The following FOXO3B variants were observed in gnomAD, a reference collection of about 807,000 sequenced individuals.
The protein encoded by FOXO3B is forkhead box protein O3B.
A neutral mutation model predicts 21.9 loss-of-function variants in FOXO3B; 15 were observed. The ratio of observed to expected loss-of-function variants is 0.68; its 90% confidence interval spans 0.46 to 1.05. FOXO3B has a LOEUF of 1.05. Ranked by LOEUF, FOXO3B falls within the 50% of genes least tolerant of loss-of-function variation. The pLI, the probability that FOXO3B is intolerant of heterozygous loss-of-function variation, is 0.00. For missense variants in FOXO3B, 293 were observed against 435.5 expected (o/e 0.67, Z 2.91); for synonymous variants, 135 against 213.6 (o/e 0.63, Z 3.21).
At chr17:18,677,152 T>G in intron 3 of FOXO3B, 1 of 895,448 alleles carries the variant, frequency 1.1e-6, no homozygotes. Context: ...CATATTCTGC[T>G]GCTGGGAATG....
chr17:18,677,251 T>C, intron 3 of FOXO3B: 1 of 1,604,018 alleles, frequency 6.2e-7, no homozygotes, highest in East Asian at 2.2e-5. Context: ...AGTCTACTTG[T>C]ATGTATACAA....
chr17:18,674,932 C>G (rs1400542473), intron 3 of FOXO3B, among the ~76,000 whole-genome samples: 2 of 152,196 alleles, frequency 1.3e-5, no homozygotes, highest in Non-Finnish European at 2.9e-5. Flanking sequence ...TGAGCTAGAG[C>G]TACTCCTTTC....
rs2032385052 is a variant in FOXO3B at position 18,672,315 on chromosome 17, G to A, written c.867C>T (p.Ala289=). ...TGTGCCGGATGGAGTTCTTCTAGCC[G>A]GCAGAGCTGTTGCTGTTGCCCTTAT... ...FKDKGNSNSS[A]G The change falls in exon 4 of 4, where the codon GCC becomes GCT. Residue 289 remains alanine, a synonymous_variant. Coordinates refer to ENST00000395675, the MANE Select transcript of FOXO3B (RefSeq NM_001368135.1). The surrounding 1 kb of genome is among the most constrained non-coding windows in gnomAD (Gnocchi z 4.2). The A allele has an allele frequency of 4.3e-6, 7 of 1,612,260 alleles. No homozygotes were observed. The African/African-American group carries it at 5.3e-5, about 12-fold the overall frequency.
chr17:18,673,144 C>A, intron 3 of FOXO3B, 89 bp from the exon 4 acceptor site: 1 of 1,367,748 alleles, frequency 7.3e-7, no homozygotes, highest in Non-Finnish European at 9.4e-7. Flanking sequence ...CTGCCGCCAC[C>A]TCCCAGTCTT....
rs1156815591 is a variant in FOXO3B, at chr17:18,672,581, C to A, written c.601G>T (p.Ala201Ser). The change falls in exon 4 of 4, where the codon GCG becomes TCG. Residue 201 changes from alanine to serine, a missense_variant. Coordinates refer to ENST00000395675, the MANE Select transcript of FOXO3B (RefSeq NM_001368135.1). This position sits in a 1 kb window ranked among gnomAD's most constrained non-coding sequence, Gnocchi z 4.2. ...TGTGTACCCCCGCTCAGCCCGCCCG[C>A]CGCGGTGGCTGGCCCAGACCCGGGG... ...QDPGSGPATA[A>S]GGLSGGTQAL... 48 of 1,435,348 alleles carry A rather than the reference C, an allele frequency of 3.3e-5. No homozygotes were observed. The highest frequency in any genetic ancestry group is 4.3e-5 in the Non-Finnish European group (48 of 1,103,992). 88.9% of individuals were successfully genotyped at this position (1,435,348 alleles called of 1,614,324 possible).
At position 18,669,279 on chromosome 17, in the gene FOXO3B, G is replaced by A. The variant is rs2032320335; in HGVS notation, c.*3030C>T. The A allele has an allele frequency of 7.2e-6, 1 of 138,612 alleles. No individual in the cohort carries two copies. The highest frequency in any genetic ancestry group is 2.5e-4 in the South Asian group (1 of 3,930). The allele number at this position is 138,612 out of a possible 1,614,324, so 8.6% of individuals were successfully genotyped here. A position where few individuals can be genotyped will look rare whatever the true frequency, so the allele number is the denominator to read the frequency against. The stretch of plus-strand genomic sequence containing the variant: ...CTGTGTTGGTGCCCACTGTCACGGT[G>A]CAAGCATCAGCAAGAACTCAAGCAG... On this transcript the variant is annotated 3_prime_UTR_variant, in exon 4 of 4. Transcript: ENST00000395675.
chr17:18,676,988 T>C (rs1234272277), intron 3 of FOXO3B, among the ~76,000 whole-genome samples: 21 of 152,292 alleles, frequency 1.4e-4, no homozygotes, highest in African/African-American at 4.8e-4. Flanking sequence ...CAGGCGTGAG[T>C]CACCACACCC....
At chr17:18,677,542 TCA>T (rs2032513422) in intron 3 of FOXO3B, 1 of 1,610,018 alleles carries the variant, frequency 6.2e-7, no homozygotes, top group African/African-American at 1.3e-5. Flanking sequence ...GCCCGTCTGC[TCA>T]CAGAGATCCA....
intron 3 of FOXO3B, among the ~76,000 whole-genome samples, chr17:18,674,452 C>T (rs997987527): frequency 2.3e-4 from 34 of 148,132 alleles, no homozygotes; most frequent in East Asian, 4.0e-4. Context: ...GGTGAAACCC[C>T]ATCTCTACTA....
At chr17:18,679,432 GCTC>G (rs1477969458) in intron 3 of FOXO3B, among the ~76,000 whole-genome samples, 1 of 147,210 alleles carries the variant, frequency 6.8e-6, no homozygotes, top group East Asian at 1.9e-4. Context: ...ATCATGGAAA[GCTC>G]CTTTTTTCCT....
Position 18,672,731 on chromosome 17 carries a change from C to A in FOXO3B, c.451G>T (p.Asp151Tyr). 2.0e-6 allele frequency: 3 copies of A among 1,526,652 alleles called. No individual in the cohort carries two copies. Among genetic ancestry groups the A allele is most frequent in the Non-Finnish European group, 2.6e-6 (3 of 1,135,146 alleles). 94.6% of individuals were successfully genotyped at this position (1,526,652 alleles called of 1,614,324 possible). Residue 151 changes from aspartate to tyrosine, a missense_variant, in exon 4 of 4, where the codon GAC (aspartate) becomes TAC (tyrosine). This residue lies in a region of FOXO3B where 251 missense variants were observed against 404.0 expected (regional missense o/e 0.62). Transcript: ENST00000395675. The surrounding 1 kb of genome is among the most constrained non-coding windows in gnomAD (Gnocchi z 4.2). ...CCGGCCCGTCCCCCGCCGTCCTCGT[C>A]GTCTTCATCGTCCTCCTCCTCGGGG... ...MIPEEEDDED[D>Y]EDGGGRAGSA...
chr17:18,672,167 T>A lies in FOXO3B; in HGVS notation c.*142A>T. 1.2e-6 allele frequency: 2 copies of A among 1,612,916 alleles called. No homozygotes were observed. The highest frequency in any genetic ancestry group is 8.5e-7 in the Non-Finnish European group (1 of 1,179,330). On this transcript the variant is annotated 3_prime_UTR_variant, in exon 4 of 4. Coordinates refer to ENST00000395675, the MANE Select transcript of FOXO3B (RefSeq NM_001368135.1). The surrounding 1 kb of genome is among the most constrained non-coding windows in gnomAD (Gnocchi z 4.2). Reference sequence around the variant, plus strand: ...TTGGTATACTTGTTGCTATTGTCCATGGAGACAGCCCGCCGCCGGGGGGCT... The same window carrying A: ...TTGGTATACTTGTTGCTATTGTCCAAGGAGACAGCCCGCCGCCGGGGGGCT...
In FOXO3B at chr17:18,671,914, T is replaced by C; in HGVS notation, c.*395A>G. ...CATGGGCGAGAGAGGCGCATCGTCG[T>C]CCTGGACTTCATCCAACTCTGTGCT... On this transcript the variant is annotated 3_prime_UTR_variant, in exon 4 of 4. Transcript: ENST00000395675. The C allele has an allele frequency of 1.9e-6, 3 of 1,613,596 alleles. No homozygotes were observed. Among genetic ancestry groups the C allele is most frequent in the East Asian group, 4.5e-5 (2 of 44,868 alleles).
At chr17:18,679,752 C>G (rs2032551821) in intron 3 of FOXO3B, among the ~76,000 whole-genome samples, 1 of 150,904 alleles carries the variant, frequency 6.6e-6, no homozygotes, top group Non-Finnish European at 1.5e-5. Flanking sequence ...CCAGCCCTAA[C>G]TTCTTTTAAT....
Position 18,671,905 on chromosome 17 carries a change from G to A in FOXO3B, c.*404C>T, listed in dbSNP as rs2032373418. ...GCTGTAGAGCATGGGCGAGAGAGGC[G>A]CATCGTCGTCCTGGACTTCATCCAA... is the stretch of plus-strand genomic sequence containing the variant. On this transcript the variant is annotated 3_prime_UTR_variant, in exon 4 of 4. Transcript: ENST00000395675. 2.5e-6 allele frequency: 4 copies of A among 1,613,378 alleles called. No individual in the cohort carries two copies. Among genetic ancestry groups the A allele is most frequent in the Non-Finnish European group, 3.4e-6 (4 of 1,179,608 alleles).
At chr17:18,677,260 A>G (rs2032505147) in intron 3 of FOXO3B, 5 of 1,610,540 alleles carry the variant, frequency 3.1e-6, no homozygotes, top group Non-Finnish European at 4.2e-6. Flanking sequence ...GTATGTATAC[A>G]AGGTCTGTTC....
At chr17:18,673,795 G>A (rs1425372771) in intron 3 of FOXO3B, among the ~76,000 whole-genome samples, 6 of 151,528 alleles carry the variant, frequency 4.0e-5, no homozygotes, top group Non-Finnish European at 8.8e-5. Flanking sequence ...AAGTATATGA[G>A]GGCAAAGGCG....
chr17:18,678,915 C>T (rs2032538206), intron 3 of FOXO3B, among the ~76,000 whole-genome samples: 1 of 151,916 alleles, frequency 6.6e-6, no homozygotes, highest in African/African-American at 2.4e-5. Flanking sequence ...ATATCTCATC[C>T]AGGAATGGGC....
chr17:18,677,720 G>GA, intron 3 of FOXO3B: 1 of 1,594,942 alleles, frequency 6.3e-7, no homozygotes, highest in Non-Finnish European at 8.5e-7. Context: ...TGGCGGCCAA[G>GA]AAAAAGACGG....
Sources: gnomAD v4.1 joint callset for allele counts (sites outside exome capture counted in the v4.1 genomes callset) on GRCh38, gnomAD v4.1.1 for gene constraint, gnomAD v4.1.1 regional missense constraint, Gnocchi (gnomAD v3.1) non-coding constraint, MANE v1.5 for transcripts, NCBI Gene and HGNC (gene_info 2026-07-23, HGNC 2026-07-21) for gene names.